The following CYYR1 variants were observed in gnomAD, a reference collection of about 807,000 sequenced individuals.
CYYR1 encodes cysteine and tyrosine-rich protein 1.
In CYYR1, 14 loss-of-function variants were observed where a neutral mutation model predicts 15.2. The ratio of observed to expected loss-of-function variants is 0.92; its 90% CI spans 0.61 to 1.44. The LOEUF is 1.44. CYYR1 is among the 40% of genes most tolerant of loss of function. CYYR1 has a pLI of 0.00. For missense variants in CYYR1, 228 were observed against 209.5 expected, an observed-to-expected ratio of 1.09 and a Z score of -0.54; for synonymous variants, 80 against 77.4, an observed-to-expected ratio of 1.03 and a Z score of -0.18.
At chr21:26,469,840 T>A (rs1330691792) in intron 3 of CYYR1, among the ~76,000 whole-genome samples, 1 of 152,192 alleles carries the variant, frequency 6.6e-6, no homozygotes, top group African/African-American at 2.4e-5. Context: ...ATGATGACTA[T>A]ACATAAAAGT....
chr21:26,493,118 C>T (rs780826164), intron 2 of CYYR1, among the ~76,000 whole-genome samples: 3 of 152,116 alleles, frequency 2.0e-5, no homozygotes, highest in Non-Finnish European at 2.9e-5. Flanking sequence ...TCATGATGTG[C>T]TTCAGGGACC....
At position 26,466,241 on chromosome 21, in the gene CYYR1, T is replaced by C. The variant is rs2064967022; in HGVS notation, c.*2260A>G. On this transcript the variant is annotated 3_prime_UTR_variant, in exon 4 of 4. Transcript: ENST00000652641. ...TGTGTTATAATAGGTTCTTTCACTT[T>C]ATTGCTTATTGTAAACACTTTGGCC... The C allele has an allele frequency of 6.6e-6, 1 of 152,244 alleles. No homozygotes were observed. Among genetic ancestry groups the C allele is most frequent in the African/African-American group, 2.4e-5 (1 of 41,470 alleles). 9.4% of individuals were successfully genotyped at this position (152,244 alleles called of 1,614,324 possible).
chr21:26,508,884 C>T (rs566887866), intron 2 of CYYR1, among the ~76,000 whole-genome samples: 4 of 152,276 alleles, frequency 2.6e-5, no homozygotes, highest in Non-Finnish European at 2.9e-5. Flanking sequence ...GTATAATGTG[C>T]ATTGTGAACT....
rs1156955253 is a variant in CYYR1 at position 26,540,709 on chromosome 21, A to G, written c.176+25557T>C. Among the ~76,000 whole-genome samples, 5 of 152,254 alleles carry G rather than the reference A, an allele frequency of 3.3e-5. No individual in the cohort carries two copies. In the East Asian group the frequency reaches 9.7e-4, roughly 29 times the overall value. ...AAATCAACATTCAGAGAAATAGCAGAATCCAGTCTCTACAGTGTATTCTTT... is the reference window on the plus strand; with the variant it reads ...AAATCAACATTCAGAGAAATAGCAGGATCCAGTCTCTACAGTGTATTCTTT... On this transcript the variant is annotated intron_variant, in intron 2 of 3. Transcript: ENST00000652641.
At chr21:26,499,487 G>T (rs1014512816) in intron 2 of CYYR1, among the ~76,000 whole-genome samples, 20 of 152,322 alleles carry the variant, frequency 1.3e-4, no homozygotes, top group African/African-American at 4.6e-4. Context: ...AATTTCTGTT[G>T]TTTTTAGTTA....
intron 2 of CYYR1, among the ~76,000 whole-genome samples, chr21:26,512,546 G>A (rs2065663675): frequency 6.6e-6 from 1 of 152,122 alleles, no homozygotes; most frequent in South Asian, 2.1e-4. Context: ...CTAGGGGCCA[G>A]ATCTGGTCTG....
Position 26,467,353 on chromosome 21 carries a change from T to G in CYYR1, c.*1148A>C, listed in dbSNP as rs2064980183. The G allele has an allele frequency of 6.6e-6, 1 of 151,470 alleles. No individual in the cohort carries two copies. Among genetic ancestry groups the G allele is most frequent in the African/African-American group, 2.4e-5 (1 of 40,934 alleles). The allele number at this position is 151,470 out of a possible 1,614,324, so 9.4% of individuals were successfully genotyped here. On this transcript the variant is annotated 3_prime_UTR_variant, in exon 4 of 4. Coordinates refer to ENST00000652641, the MANE Select transcript of CYYR1 (RefSeq NM_001320768.2). The stretch of plus-strand genomic sequence containing the variant: ...TTGCATTTTGGTAAAAGGCAACAAT[T>G]TGATGTCAGTATCTTAATTGTGTCA...
intron 3 of CYYR1, chr21:26,471,181 A>C (rs933740102): frequency 1.3e-5 from 2 of 152,190 alleles, no homozygotes; most frequent in Non-Finnish European, 2.9e-5. Flanking sequence ...AACTTCATCC[A>C]AGCCAAGAAT....
intron 2 of CYYR1, among the ~76,000 whole-genome samples, chr21:26,510,098 C>A (rs1002849640): frequency 6.6e-6 from 1 of 152,162 alleles, no homozygotes; most frequent in Admixed American, 6.6e-5. Flanking sequence ...TTTTCAAACT[C>A]ATGAGATCGG....
chr21:26,481,599 T>G (rs1305246730), intron 2 of CYYR1, among the ~76,000 whole-genome samples: 26 of 152,068 alleles, frequency 1.7e-4, no homozygotes, highest in Non-Finnish European at 1.5e-5. Flanking sequence ...ACGGTGTGTA[T>G]GTACTACATT....
At chr21:26,531,273 T>C (rs2065927202) in intron 2 of CYYR1, among the ~76,000 whole-genome samples, 1 of 152,166 alleles carries the variant, frequency 6.6e-6, no homozygotes, top group Non-Finnish European at 1.5e-5. Context: ...TGCAAGATTG[T>C]GTTATTCCTT....
At chr21:26,535,099 G>T (rs772123779) in intron 2 of CYYR1, among the ~76,000 whole-genome samples, 5 of 152,082 alleles carry the variant, frequency 3.3e-5, no homozygotes, top group Admixed American at 6.6e-5. Flanking sequence ...GGGGACTACT[G>T]TGGGGGTGTT....
chr21:26,478,031 A>T lies in CYYR1; in HGVS notation c.334+2241T>A, dbSNP rs563274700. 1.3e-6 allele frequency: 2 copies of T among 1,545,256 alleles called. 1 individual carries two copies. Among genetic ancestry groups the T allele is most frequent in the African/African-American group, 2.7e-5 (2 of 72,828 alleles). On this transcript the variant is annotated intron_variant, in intron 3 of 3. Coordinates refer to ENST00000652641, the MANE Select transcript of CYYR1 (RefSeq NM_001320768.2). The stretch of plus-strand genomic sequence containing the variant: ...GGTCTTTTCATGAGTTGTGTTCATC[A>T]TTCATTCAGCTGAGTGCCCATTATG...
At chr21:26,514,270 T>C (rs1282063747) in intron 2 of CYYR1, among the ~76,000 whole-genome samples, 2 of 152,154 alleles carry the variant, frequency 1.3e-5, no homozygotes, top group African/African-American at 4.8e-5. Flanking sequence ...TGATCCCCAG[T>C]GTTGGAAGTG....
intron 2 of CYYR1, chr21:26,482,126 G>T: frequency 3.8e-6 from 1 of 264,044 alleles, no homozygotes; most frequent in Non-Finnish European, 5.9e-6. Context: ...TACTATTTGG[G>T]AATGCAGATC....
At chr21:26,488,434 T>G (rs1465540599) in intron 2 of CYYR1, among the ~76,000 whole-genome samples, 1 of 152,028 alleles carries the variant, frequency 6.6e-6, no homozygotes, top group Non-Finnish European at 1.5e-5. Flanking sequence ...TTGTAATTTT[T>G]GTAGAGACAG....
At chr21:26,475,574 G>A (rs770389717) in intron 3 of CYYR1, among the ~76,000 whole-genome samples, 1 of 151,932 alleles carries the variant, frequency 6.6e-6, no homozygotes, top group Admixed American at 6.6e-5. Context: ...AAAATACAAG[G>A]CACTACTATC....
intron 2 of CYYR1, among the ~76,000 whole-genome samples, chr21:26,553,514 T>C (rs1979542083): frequency 6.6e-6 from 1 of 152,202 alleles, no homozygotes; most frequent in African/African-American, 2.4e-5. Context: ...TGCAGCTCTC[T>C]GTTCATGTCC....
intron 2 of CYYR1, among the ~76,000 whole-genome samples, chr21:26,528,132 C>T (rs1601794912): frequency 6.6e-6 from 1 of 151,982 alleles, no homozygotes; most frequent in East Asian, 1.9e-4. Context: ...TCATTGTATT[C>T]CAAAAAATAA....
Sources: gnomAD v4.1 joint callset for allele counts (sites outside exome capture counted in the v4.1 genomes callset) on GRCh38, gnomAD v4.1.1 for gene constraint, MANE v1.5 for transcripts, NCBI Gene and HGNC (gene_info 2026-07-23, HGNC 2026-07-21) for gene names.